The following ICA1 variants were observed in gnomAD, a reference collection of about 807,000 sequenced individuals.
ICA1 encodes the protein islet cell autoantigen 1.
In ICA1, 40 loss-of-function variants were observed where a neutral mutation model predicts 71.0. The observed-to-expected ratio is 0.56, with a 90% CI of 0.44 to 0.73. The LOEUF is 0.73. Ranked by LOEUF, ICA1 falls within the 30% of genes least tolerant of loss-of-function variation. ICA1 has a pLI of 0.00. For missense variants in ICA1, 578 were observed against 576.5 expected (o/e 1.00, Z -0.03); for synonymous variants, 207 against 209.5 (o/e 0.99, Z 0.10).
At chr7:8,184,562 G>C (rs1233358529) in intron 6 of ICA1, among the ~76,000 whole-genome samples, 3 of 152,160 alleles carry the variant, frequency 2.0e-5, no homozygotes, top group African/African-American at 7.2e-5. Flanking sequence ...TCACAAGATA[G>C]CTTTCTCTCT....
At chr7:8,184,331 A>G (rs1175347512) in intron 6 of ICA1, among the ~76,000 whole-genome samples, 1 of 152,196 alleles carries the variant, frequency 6.6e-6, no homozygotes, top group African/African-American at 2.4e-5. Context: ...CTCCAAGAGG[A>G]TTACAGGAAG....
Position 8,226,856 on chromosome 7 carries a change from A to T in ICA1, c.256+1745T>A, listed in dbSNP as rs1302455183. 6.6e-6 allele frequency among the ~76,000 whole-genome samples: 1 copy of T among 152,194 alleles called. No homozygotes were observed. The highest frequency in any genetic ancestry group is 2.1e-4 in the South Asian group (1 of 4,832). ...CTTCATGGTGTTCAACTATAATTCT[A>T]TTAACTAATCTGAGGTGGTTTAGGG... On this transcript the variant is annotated intron_variant, in intron 4 of 13. Transcript: ENST00000402384. This position sits in a 1 kb window ranked among gnomAD's most constrained non-coding sequence, Gnocchi z 4.4.
At chr7:8,254,997 C>CT (rs1809562333) in intron 1 of ICA1, among the ~76,000 whole-genome samples, 1 of 152,180 alleles carries the variant, frequency 6.6e-6, no homozygotes, top group South Asian at 2.1e-4. Flanking sequence ...TTTCCACTCT[C>CT]TGTGCACCCC....
chr7:8,196,534 CATTA>C (rs1397807800), intron 6 of ICA1, among the ~76,000 whole-genome samples: 2 of 152,066 alleles, frequency 1.3e-5, no homozygotes, highest in Admixed American at 1.3e-4. Context: ...AACCTTGGCT[CATTA>C]ATTGCAAAAA....
At chr7:8,242,228 G>C (rs1004773105) in intron 1 of ICA1, among the ~76,000 whole-genome samples, 2 of 152,198 alleles carry the variant, frequency 1.3e-5, no homozygotes, top group African/African-American at 2.4e-5. Flanking sequence ...TCAGACCACA[G>C]TGCAATCAAA....
chr7:8,224,473 G>T (rs1798028054), intron 4 of ICA1, among the ~76,000 whole-genome samples: 1 of 152,122 alleles, frequency 6.6e-6, no homozygotes, highest in African/African-American at 2.4e-5. Context: ...AAACCTTTTA[G>T]TTTGAAATAA....
Position 8,158,622 on chromosome 7 carries a change from T to A in ICA1, c.610A>T (p.Asn204Tyr), listed in dbSNP as rs1330868833. Residue 204 changes from asparagine to tyrosine, a missense_variant, in exon 7 of 14, where the codon AAC becomes TAC. By Grantham distance (143) the Asn-to-Tyr change is moderately radical (BLOSUM62 -2). Coordinates refer to ENST00000402384, the MANE Select transcript of ICA1 (RefSeq NM_001136020.3). Reference sequence around the variant, plus strand: ...ACATCCATCTTCAATTTGTCAAAGTTTTTTTTTGCAAGGCGCACTTGTGTT... The same window carrying A: ...ACATCCATCTTCAATTTGTCAAAGTATTTTTTTGCAAGGCGCACTTGTGTT... ...VQTQVRLAKK[N>Y]FDKLKMDVCQ... 3 of 1,614,038 alleles carry A rather than the reference T, an allele frequency of 1.9e-6. No individual in the cohort carries two copies. In the Admixed American group the frequency reaches 5.0e-5, roughly 27 times the overall value.
intron 8 of ICA1, among the ~76,000 whole-genome samples, chr7:8,145,764 A>ATATATATATATATGTATG (rs55971486): frequency 7.3e-6 from 1 of 136,322 alleles, no homozygotes; most frequent in Non-Finnish European, 1.6e-5. Flanking sequence ...ATATATATAT[A>ATATATATATATATGTATG]TATGTATATA....
chr7:8,169,172 A>G (rs1233247244), intron 6 of ICA1, among the ~76,000 whole-genome samples: 3 of 152,106 alleles, frequency 2.0e-5, no homozygotes, highest in African/African-American at 4.8e-5. Context: ...TTTCTGAGAT[A>G]AGTGTTGTTG....
intron 6 of ICA1, among the ~76,000 whole-genome samples, chr7:8,190,699 C>T (rs915772271): frequency 6.6e-6 from 1 of 152,188 alleles, no homozygotes; most frequent in African/African-American, 2.4e-5. Flanking sequence ...CTCAATCTAA[C>T]ATTTAAAAGG....
At chr7:8,236,084 A>C in intron 1 of ICA1, 79 bp from the exon 2 acceptor site, 1 of 727,926 alleles carries the variant, frequency 1.4e-6, no homozygotes, top group Non-Finnish European at 2.2e-6. Context: ...AAAAGCCTTC[A>C]ACCTAAGCCA....
intron 12 of ICA1, among the ~76,000 whole-genome samples, chr7:8,135,354 G>A (rs1793050748): frequency 6.6e-6 from 1 of 152,016 alleles, no homozygotes; most frequent in South Asian, 2.1e-4. Flanking sequence ...CTTTATAAGG[G>A]TAAATCTATA....
chr7:8,185,588 C>A (rs1365846229), intron 6 of ICA1, among the ~76,000 whole-genome samples: 1 of 152,152 alleles, frequency 6.6e-6, no homozygotes, highest in African/African-American at 2.4e-5. Flanking sequence ...CTCCAGAAGA[C>A]CCTGCTGCAT....
At chr7:8,157,263 A>G in intron 7 of ICA1, 49 bp from the exon 8 acceptor site, 3 of 1,504,878 alleles carry the variant, frequency 2.0e-6, no homozygotes, top group Non-Finnish European at 2.7e-6. Flanking sequence ...GCCCAGTTCT[A>G]GTCCTGGTCC....
At chr7:8,237,572 C>G (rs1339483915) in intron 1 of ICA1, among the ~76,000 whole-genome samples, 1 of 152,126 alleles carries the variant, frequency 6.6e-6, no homozygotes, top group Non-Finnish European at 1.5e-5. Context: ...GGAAATTCTA[C>G]ACCCATTGAA....
intron 13 of ICA1, among the ~76,000 whole-genome samples, chr7:8,118,860 C>CAG: frequency 6.6e-6 from 1 of 152,324 alleles, no homozygotes; most frequent in South Asian, 2.1e-4. Context: ...GGGCCCTCAA[C>CAG]AGAGGCATGG....
intron 6 of ICA1, among the ~76,000 whole-genome samples, chr7:8,199,104 C>CA (rs1273596757): frequency 6.6e-6 from 1 of 152,174 alleles, no homozygotes; most frequent in African/African-American, 2.4e-5. Flanking sequence ...CAAATTCTGG[C>CA]AAGGATGTGG....
chr7:8,230,709 TATA>T (rs1800011047), intron 3 of ICA1, among the ~76,000 whole-genome samples: 1 of 152,342 alleles, frequency 6.6e-6, no homozygotes, highest in South Asian at 2.1e-4. Flanking sequence ...CATATATGCT[TATA>T]ATAATTTACA....
In ICA1 at chr7:8,123,057, G is replaced by A. The variant is rs964012743; in HGVS notation, c.1330+4816C>T. Among the ~76,000 whole-genome samples the A allele has an allele frequency of 1.3e-5, 2 of 152,170 alleles. No individual in the cohort carries two copies. Among genetic ancestry groups the A allele is most frequent in the Non-Finnish European group, 2.9e-5 (2 of 68,042 alleles). On this transcript the variant is annotated intron_variant, in intron 13 of 13. Coordinates refer to ENST00000402384, the MANE Select transcript of ICA1 (RefSeq NM_001136020.3). This position sits in a 1 kb window ranked among gnomAD's most constrained non-coding sequence, Gnocchi z 4.1. ...TACTCACACAAAGTGGCCTTGGGAAGGCACAATTTTCTCATCACTGCATGA... is the reference window on the plus strand; with the variant it reads ...TACTCACACAAAGTGGCCTTGGGAAAGCACAATTTTCTCATCACTGCATGA...
Sources: gnomAD v4.1 joint callset for allele counts (sites outside exome capture counted in the v4.1 genomes callset) on GRCh38, gnomAD v4.1.1 for gene constraint, Gnocchi (gnomAD v3.1) non-coding constraint, MANE v1.5 for transcripts, NCBI Gene and HGNC (gene_info 2026-07-23, HGNC 2026-07-21) for gene names.